The following CRPPA variants were observed in gnomAD, a reference collection of about 807,000 sequenced individuals.
The protein encoded by CRPPA is CDP-L-ribitol pyrophosphorylase A, also known as D-ribitol-5-phosphate cytidylyltransferase.
In CRPPA, 43 loss-of-function variants were observed where a neutral mutation model predicts 52.0. The ratio of observed to expected loss-of-function variants is 0.83; its 90% CI spans 0.65 to 1.07. The LOEUF (loss-of-function observed/expected upper bound fraction) is 1.07, where lower values mean the gene tolerates loss of function less well. Ranked by LOEUF, CRPPA falls within the 50% of genes least tolerant of loss-of-function variation. The pLI is 0.00. For synonymous variants in CRPPA, 250 were observed against 203.5 expected (o/e 1.23, Z -1.94); for missense variants, 629 against 551.7 (o/e 1.14, Z -1.40).
At chr7:16,214,242 G>C (rs779966049) in intron 9 of CRPPA, among the ~76,000 whole-genome samples, 6 of 152,076 alleles carry the variant, frequency 3.9e-5, no homozygotes, top group Non-Finnish European at 8.8e-5. Flanking sequence ...ATTTAACTAG[G>C]CATCATATAT....
At chr7:16,116,673 A>AGAGG (rs1450637217) in intron 9 of CRPPA, among the ~76,000 whole-genome samples, 2 of 104,838 alleles carry the variant, frequency 1.9e-5, no homozygotes, top group Non-Finnish European at 4.8e-5. Context: ...AAAAAAAAAA[A>AGAGG]AAGGAAAGGA....
At chr7:16,337,129 T>G (rs1785702290) in intron 3 of CRPPA, among the ~76,000 whole-genome samples, 1 of 152,092 alleles carries the variant, frequency 6.6e-6, no homozygotes, top group African/African-American at 2.4e-5. Flanking sequence ...CAAATGGACA[T>G]AATGGACATG....
intron 9 of CRPPA, among the ~76,000 whole-genome samples, chr7:16,108,996 G>C (rs1782208504): frequency 6.6e-6 from 1 of 151,608 alleles, no homozygotes; most frequent in Admixed American, 6.6e-5. Flanking sequence ...CATTTCAAGT[G>C]AACAATCTAG....
chr7:16,373,842 T>G (rs910625555), intron 3 of CRPPA, among the ~76,000 whole-genome samples: 3 of 152,162 alleles, frequency 2.0e-5, no homozygotes, highest in African/African-American at 4.8e-5. Context: ...GCATATAGAA[T>G]GGCAGTTAGA....
intron 5 of CRPPA, among the ~76,000 whole-genome samples, chr7:16,294,825 C>A: frequency 6.6e-6 from 1 of 151,970 alleles, no homozygotes; most frequent in East Asian, 1.9e-4. Context: ...TGAGAACATA[C>A]CACAGATGCG....
At chr7:16,287,167 G>A (rs2128419995) in intron 5 of CRPPA, among the ~76,000 whole-genome samples, 1 of 152,242 alleles carries the variant, frequency 6.6e-6, no homozygotes, top group Non-Finnish European at 1.5e-5. Flanking sequence ...TGTCTATAAA[G>A]CAAGTAAATT....
At chr7:16,368,847 G>C (rs1005794740) in intron 3 of CRPPA, among the ~76,000 whole-genome samples, 18 of 152,094 alleles carry the variant, frequency 1.2e-4, no homozygotes, top group Admixed American at 5.9e-4. Flanking sequence ...TAATTTTTCA[G>C]ATGAATTTCT....
chr7:16,407,537 G>T (rs1787983258), intron 1 of CRPPA, among the ~76,000 whole-genome samples: 1 of 152,158 alleles, frequency 6.6e-6, no homozygotes, highest in South Asian at 2.1e-4. Context: ...TGCTAAAACA[G>T]TTAAGTCTTT....
chr7:16,104,797 G>C (rs7785638), intron 9 of CRPPA, among the ~76,000 whole-genome samples: 1 of 151,150 alleles, frequency 6.6e-6, no homozygotes, highest in African/African-American at 2.4e-5. Context: ...CTACTCAGGA[G>C]GCTGAGGCAG....
intron 8 of CRPPA, among the ~76,000 whole-genome samples, chr7:16,228,380 C>T (rs1383642576): frequency 2.0e-5 from 3 of 151,756 alleles, no homozygotes; most frequent in Non-Finnish European, 2.9e-5. Context: ...TTTCTAGTTC[C>T]TTCAAGTGAA....
intron 6 of CRPPA, among the ~76,000 whole-genome samples, chr7:16,262,693 T>C (rs1562594047): frequency 6.6e-6 from 1 of 152,212 alleles, no homozygotes; most frequent in Non-Finnish European, 1.5e-5. Flanking sequence ...AGATATTTTC[T>C]ACTTTTAAAG....
At position 16,131,125 on chromosome 7, in the gene CRPPA, A is replaced by G. The variant is rs139846379; in HGVS notation, c.1252-39326T>C. ...TGTACTGTTATAGCAGCCTAAACAG[A>G]CTAAAAGAAAATTGGCATCACAAAG... is the stretch of plus-strand genomic sequence containing the variant. On this transcript the variant is annotated intron_variant, in intron 9 of 9. Coordinates refer to ENST00000407010, the MANE Select transcript of CRPPA (RefSeq NM_001101426.4). Among the ~76,000 whole-genome samples, 3 of 152,348 alleles carry G rather than the reference A, an allele frequency of 2.0e-5. No individual in the cohort carries two copies. In the East Asian group the frequency reaches 5.8e-4, roughly 29 times the overall value.
chr7:16,241,971 T>TTTTGGG (rs1783123848), intron 8 of CRPPA, among the ~76,000 whole-genome samples: 6 of 86,146 alleles, frequency 7.0e-5, no homozygotes, highest in Admixed American at 1.5e-4. Flanking sequence ...TTTTTTTTGT[T>TTTTGGG]GGGGGGAGAT....
intron 8 of CRPPA, among the ~76,000 whole-genome samples, chr7:16,235,530 C>G (rs558880039): frequency 1.3e-5 from 2 of 152,032 alleles, no homozygotes; most frequent in Non-Finnish European, 2.9e-5. Context: ...CATACCCATT[C>G]TTTTACATAT....
At chr7:16,237,008 C>T (rs1782971467) in intron 8 of CRPPA, among the ~76,000 whole-genome samples, 1 of 151,762 alleles carries the variant, frequency 6.6e-6, no homozygotes, top group Non-Finnish European at 1.5e-5. Flanking sequence ...TTTAATTATA[C>T]TTTGCCAAAA....
chr7:16,140,334 T>C (rs1434667860), intron 9 of CRPPA, among the ~76,000 whole-genome samples: 1 of 151,970 alleles, frequency 6.6e-6, no homozygotes, highest in Admixed American at 6.6e-5. Flanking sequence ...ATTTTTTTTT[T>C]TTTGTATTTT....
rs886041302 is a variant in CRPPA at position 16,421,269 on chromosome 7, C to CA, written c.53dup (p.Ser19GlufsTer97). The CA allele has an allele frequency of 1.1e-4, 148 of 1,296,758 alleles. No individual in the cohort carries two copies. Among genetic ancestry groups the CA allele is most frequent in the Non-Finnish European group, 1.3e-4 (136 of 1,016,072 alleles). The allele number at this position is 1,296,758 out of a possible 1,614,324, so 80.3% of individuals were successfully genotyped here. On this transcript the variant is annotated frameshift_variant, in exon 1 of 10. Transcript: ENST00000407010. LOFTEE classifies it high-confidence loss of function. ...TGTGGTCCGCGCCGCGCTGACCACT[C>CA]AGGCAAGGACCCGGCTCCGCCGGCC...
chr7:16,277,033 T>C (rs1358804366), intron 6 of CRPPA: 1 of 152,180 alleles, frequency 6.6e-6, no homozygotes, highest in African/African-American at 2.4e-5. Flanking sequence ...TTCAAATGCA[T>C]TGAAAACGTA....
At chr7:16,281,260 T>C (rs1007353114) in intron 5 of CRPPA, among the ~76,000 whole-genome samples, 2 of 152,206 alleles carry the variant, frequency 1.3e-5, no homozygotes, top group African/African-American at 4.8e-5. Flanking sequence ...TAGTTTCCAG[T>C]GCAGACCCCT....
Sources: allele counts gnomAD v4.1 joint callset (sites outside exome capture counted in the v4.1 genomes callset), GRCh38; gene constraint gnomAD v4.1.1; transcripts MANE v1.5; gene names NCBI Gene and HGNC (gene_info 2026-07-23, HGNC 2026-07-21).